NBAS: variants seen among roughly 807,000 people sequenced by gnomAD.
NBAS encodes NBAS subunit of NRZ tethering complex.
In NBAS, 219 loss-of-function variants were observed where a neutral mutation model predicts 302.5. The ratio of observed to expected loss-of-function variants is 0.72; its 90% confidence interval spans 0.65 to 0.81. The LOEUF (loss-of-function observed/expected upper bound fraction) is 0.81. Among genes scored for constraint, NBAS ranks in the 30% least tolerant of loss-of-function variants. NBAS has a pLI of 0.00. For synonymous variants in NBAS, 1,118 were observed against 1,021.6 expected, an observed-to-expected ratio of 1.09 and a Z score of -1.80; for missense variants, 2,932 against 2,841.6, an observed-to-expected ratio of 1.03 and a Z score of -0.72.
At chr2:15,146,482 C>G in the NBAS span, among the ~76,000 whole-genome samples, 1 of 152,130 alleles carries the variant, frequency 6.6e-6, no homozygotes, top group South Asian at 2.1e-4. Context: ...GAAAGTCCAA[C>G]ACCCCCAGTC....
At chr2:14,873,290 T>A in the NBAS span, among the ~76,000 whole-genome samples, 1 of 152,150 alleles carries the variant, frequency 6.6e-6, no homozygotes, top group Non-Finnish European at 1.5e-5. Context: ...GACAGAAAAG[T>A]TCTCCAAGTC....
intron 40 of NBAS, among the ~76,000 whole-genome samples, chr2:15,296,529 A>C (rs1367450259): frequency 8.1e-6 from 1 of 123,960 alleles, no homozygotes; most frequent in Non-Finnish European, 1.6e-5. Context: ...CTGTCTCAAA[A>C]AAAACAAAAC....
At chr2:15,428,329 A>T (rs752310092) in intron 21 of NBAS, among the ~76,000 whole-genome samples, 1 of 152,250 alleles carries the variant, frequency 6.6e-6, no homozygotes, top group Non-Finnish European at 1.5e-5. Flanking sequence ...AAATAGCCAC[A>T]TGTGGCCAGT....
At chr2:15,249,598 T>A (rs933799733) in intron 44 of NBAS, among the ~76,000 whole-genome samples, 2 of 152,172 alleles carry the variant, frequency 1.3e-5, no homozygotes, top group Non-Finnish European at 2.9e-5. Context: ...CTTAAGCTGA[T>A]AAACAACTTC....
chr2:14,961,428 T>C, the NBAS span, among the ~76,000 whole-genome samples: 1 of 150,082 alleles, frequency 6.7e-6, no homozygotes, highest in African/African-American at 2.4e-5. Context: ...AAGAGCTGAT[T>C]TTTTTTTTTA....
At chr2:15,401,186 C>T (rs184705949) in intron 26 of NBAS, among the ~76,000 whole-genome samples, 78 of 151,944 alleles carry the variant, frequency 5.1e-4, no homozygotes, top group Non-Finnish European at 9.1e-4. Flanking sequence ...ATGCAAATAA[C>T]CTTTTATCAT....
At chr2:15,296,711 T>G (rs990390715) in intron 40 of NBAS, among the ~76,000 whole-genome samples, 1 of 152,056 alleles carries the variant, frequency 6.6e-6, no homozygotes, top group Admixed American at 6.6e-5. Context: ...TAATGGTGCA[T>G]GCCTGTAGTC....
chr2:15,466,662 G>A (rs537516396), intron 19 of NBAS, among the ~76,000 whole-genome samples: 1 of 152,248 alleles, frequency 6.6e-6, no homozygotes, highest in East Asian at 1.9e-4. Context: ...AATACGCCAG[G>A]CATAGTGGCT....
At chr2:14,942,536 C>T in the NBAS span, among the ~76,000 whole-genome samples, 1 of 152,178 alleles carries the variant, frequency 6.6e-6, no homozygotes, top group Non-Finnish European at 1.5e-5. Flanking sequence ...ATGTCAACAT[C>T]ATACTTCCTG....
At chr2:15,156,021 G>A in the NBAS span, among the ~76,000 whole-genome samples, 1 of 152,204 alleles carries the variant, frequency 6.6e-6, no homozygotes, top group Non-Finnish European at 1.5e-5. Flanking sequence ...CTCTTTCATA[G>A]TGGTGGGTTT....
chr2:15,169,993 T>A (rs1013440676), intron 51 of NBAS, among the ~76,000 whole-genome samples: 1 of 152,200 alleles, frequency 6.6e-6, no homozygotes. Flanking sequence ...CAGGCACATG[T>A]TTGATAAGAT....
chr2:15,468,483 AAC>A lies in NBAS; in HGVS notation c.1774_1775del (p.Val592SerfsTer2). ...SWVLHECLER[V>X]PENVDAAKEL... ...CTTTTGCAGCATCCACATTTTCAGG[AAC>A]TCTTTCCAAACACTCATGGAGAACC... On this transcript the variant is annotated frameshift_variant, in exon 17 of 52. Coordinates refer to ENST00000281513, the MANE Select transcript of NBAS (RefSeq NM_015909.4). LOFTEE classifies it high-confidence loss of function. 1 of 1,614,058 alleles carries A rather than the reference AAC, an allele frequency of 6.2e-7. No individual in the cohort carries two copies. Among genetic ancestry groups the A allele is most frequent in the Admixed American group, 1.7e-5 (1 of 59,996 alleles).
the NBAS span, among the ~76,000 whole-genome samples, chr2:14,932,188 C>T: frequency 6.6e-6 from 1 of 152,218 alleles, no homozygotes; most frequent in South Asian, 2.1e-4. Context: ...TTTTTATCCC[C>T]TACCCATGAA....
chr2:15,301,615 C>G (rs1670798894), intron 40 of NBAS, among the ~76,000 whole-genome samples: 1 of 152,146 alleles, frequency 6.6e-6, no homozygotes, highest in South Asian at 2.1e-4. Flanking sequence ...AAGATGAAAG[C>G]CAGAAGGCTC....
chr2:14,788,532 T>G, the NBAS span, among the ~76,000 whole-genome samples: 1 of 152,198 alleles, frequency 6.6e-6, no homozygotes. Context: ...TTAGTTTTCC[T>G]TCTAACAGAC....
chr2:15,010,489 C>T, the NBAS span, among the ~76,000 whole-genome samples: 1 of 151,838 alleles, frequency 6.6e-6, no homozygotes, highest in South Asian at 2.1e-4. Context: ...ATATCCTTTA[C>T]CTTACCTGGT....
At chr2:15,206,951 C>CA (rs1349025973) in intron 48 of NBAS, among the ~76,000 whole-genome samples, 1 of 152,212 alleles carries the variant, frequency 6.6e-6, no homozygotes, top group Admixed American at 6.5e-5. Context: ...AGCCCCCACA[C>CA]AGAGTCACCA....
chr2:15,241,744 G>A (rs1211575961), intron 44 of NBAS, among the ~76,000 whole-genome samples: 2 of 152,040 alleles, frequency 1.3e-5, no homozygotes, highest in Non-Finnish European at 2.9e-5. Flanking sequence ...CTCTCCCGTT[G>A]GTTTGTCATC....
chr2:15,467,473 G>A lies in NBAS; in HGVS notation c.2019-66C>T, dbSNP rs1418464456. On this transcript the variant is annotated intron_variant, in intron 18 of 51. Transcript: ENST00000281513. ...GAATTATTTCTCTAGGAGTTATAATGAAAATGATTAATATTCCGTTGAGCC... is the reference window on the plus strand; with the variant it reads ...GAATTATTTCTCTAGGAGTTATAATAAAAATGATTAATATTCCGTTGAGCC... The A allele has an allele frequency of 2.1e-6, 3 of 1,435,388 alleles. No homozygotes were observed. The African/African-American group carries it at 4.2e-5, about 20-fold the overall frequency. The allele number at this position is 1,435,388 out of a possible 1,614,324, so 88.9% of individuals were successfully genotyped here.
Sources: allele counts gnomAD v4.1 joint callset (sites outside exome capture counted in the v4.1 genomes callset), GRCh38; gene constraint gnomAD v4.1.1; transcripts MANE v1.5; gene names NCBI Gene and HGNC (gene_info 2026-07-23, HGNC 2026-07-21).